The following RAPH1 variants were observed in gnomAD, a reference collection of about 807,000 sequenced individuals.
The protein encoded by RAPH1 is Ras association (RalGDS/AF-6) and pleckstrin homology domains 1.
In RAPH1, 18 loss-of-function variants were observed where a neutral mutation model predicts 88.1. The ratio of observed to expected loss-of-function variants is 0.20; its 90% CI spans 0.14 to 0.30. The LOEUF is 0.30. Among genes scored for constraint, RAPH1 ranks in the 10% least tolerant of loss-of-function variants. The pLI is 1.00. For synonymous variants in RAPH1, 587 were observed against 559.0 expected (o/e 1.05, Z -0.71); for missense variants, 1,448 against 1,543.2 (o/e 0.94, Z 1.03).
At chr2:203,477,208 C>T in intron 4 of RAPH1, 2 of 1,344,992 alleles carry the variant, frequency 1.5e-6, no homozygotes, top group Non-Finnish European at 2.1e-6. Context: ...GTGAAACGGG[C>T]AGTTCTCATT....
chr2:203,499,817 TA>T (rs1295529730), intron 1 of RAPH1, among the ~76,000 whole-genome samples: 1 of 152,236 alleles, frequency 6.6e-6, no homozygotes, highest in Non-Finnish European at 1.5e-5. Flanking sequence ...CTCCATTCTC[TA>T]AATGCTGATG....
chr2:203,490,075 C>T lies in RAPH1; in HGVS notation c.241G>A (p.Gly81Arg). 6.2e-7 allele frequency: 1 copy of T among 1,608,072 alleles called. No individual in the cohort carries two copies. Among genetic ancestry groups the T allele is most frequent in the East Asian group, 2.2e-5 (1 of 44,798 alleles). ...AAGGCATCCAGATCCACAGTCTCTC[C>T]CTGATTCAGAGCTTCTGCAATGAAC... ...IYNLNEALNQ[G>R]ETVDLDALMA... The change falls in exon 4 of 14, where the codon GGA becomes AGA. Residue 81 changes from glycine (G) to arginine (R), a missense_variant. Gly to Arg is a moderately radical substitution (Grantham distance 125, BLOSUM62 -2). This residue lies in a region of RAPH1 where 513 missense variants were observed against 653.1 expected (regional missense o/e 0.79). Coordinates refer to ENST00000319170, the MANE Select transcript of RAPH1 (RefSeq NM_213589.3).
At chr2:203,521,610 CT>C (rs1689874977) in intron 1 of RAPH1, among the ~76,000 whole-genome samples, 1 of 151,924 alleles carries the variant, frequency 6.6e-6, no homozygotes. Flanking sequence ...ATGTTTTATA[CT>C]TTGGTTAAAA....
At chr2:203,523,042 T>G (rs1007826168) in intron 1 of RAPH1, among the ~76,000 whole-genome samples, 3 of 151,874 alleles carry the variant, frequency 2.0e-5, no homozygotes, top group Non-Finnish European at 4.4e-5. Context: ...CACATCAATG[T>G]AACAGAATGG....
chr2:203,485,201 C>T (rs529841334), intron 4 of RAPH1, among the ~76,000 whole-genome samples: 16 of 152,028 alleles, frequency 1.1e-4, no homozygotes, highest in East Asian at 7.7e-4. Flanking sequence ...GTCAGGAGTT[C>T]GAGACCAGCC....
chr2:203,468,996 G>A (rs1006653359), intron 4 of RAPH1, among the ~76,000 whole-genome samples: 1 of 152,222 alleles, frequency 6.6e-6, no homozygotes, highest in African/African-American at 2.4e-5. Context: ...AAACAGAAAA[G>A]ATGACAACAG....
intron 4 of RAPH1, among the ~76,000 whole-genome samples, chr2:203,474,284 AG>A (rs2105751487): frequency 6.6e-6 from 1 of 152,270 alleles, no homozygotes; most frequent in Non-Finnish European, 1.5e-5. Flanking sequence ...GAGGAGAGGG[AG>A]AGTTACTGGT....
At chr2:203,442,058 G>A in intron 13 of RAPH1, 2 of 1,594,636 alleles carry the variant, frequency 1.3e-6, no homozygotes, top group East Asian at 2.3e-5. Flanking sequence ...GGTAAAGGGG[G>A]GACATTCTTT....
At chr2:203,505,784 C>A (rs1452655745) in intron 1 of RAPH1, among the ~76,000 whole-genome samples, 2 of 152,110 alleles carry the variant, frequency 1.3e-5, no homozygotes, top group Non-Finnish European at 2.9e-5. Context: ...AGCCACTCAG[C>A]GTGTAGTAAT....
chr2:203,440,579 G>C lies in RAPH1; in HGVS notation c.2611C>G (p.Pro871Ala), dbSNP rs1035753171. 6.4e-7 allele frequency: 1 copy of C among 1,553,968 alleles called. No homozygotes were observed. The highest frequency in any genetic ancestry group is 1.4e-5 in the African/African-American group (1 of 73,038). ...TCCATGGCAGGGGGAGTTGGAGGGG[G>C]TGGAAACTGGCTGGCTATCTGCTTC... ...VVKQIASQFP[P>A]PPTPPAMESQ... Residue 871 changes from proline (P) to alanine (A), a missense_variant, in exon 14 of 14, where the codon CCC becomes GCC. Pro to Ala is a conservative substitution (Grantham distance 27). This residue lies in a region of RAPH1 where 935 missense variants were observed against 890.1 expected (regional missense o/e 1.05). Coordinates refer to ENST00000319170, the MANE Select transcript of RAPH1 (RefSeq NM_213589.3).
In RAPH1 at chr2:203,489,893, A is replaced by G. The variant is rs1362464661; in HGVS notation, c.423T>C (p.Asn141=). The change falls in exon 4 of 14, where the codon AAT becomes AAC. Residue 141 remains asparagine (N), a synonymous_variant. Coordinates refer to ENST00000319170, the MANE Select transcript of RAPH1 (RefSeq NM_213589.3). ...TGGCATGGGAAGGTTTAGCTATCCT[A>G]TTAGATGAAGAAGATAATCCTTTCA... The part of the protein sequence containing the change: ...GTLKGLSSSS[N]RIAKPSHASY... 2 of 1,614,096 alleles carry G rather than the reference A, an allele frequency of 1.2e-6. No homozygotes were observed. Among genetic ancestry groups the G allele is most frequent in the Non-Finnish European group, 8.5e-7 (1 of 1,180,042 alleles).
chr2:203,520,014 T>C (rs1009606624), intron 1 of RAPH1, among the ~76,000 whole-genome samples: 7 of 152,156 alleles, frequency 4.6e-5, no homozygotes, highest in Admixed American at 2.6e-4. Context: ...CTTGAAATAA[T>C]AGTTTCCACG....
At chr2:203,464,147 CAAAG>C (rs1352405076) in intron 4 of RAPH1, among the ~76,000 whole-genome samples, 1 of 152,078 alleles carries the variant, frequency 6.6e-6, no homozygotes, top group African/African-American at 2.4e-5. Flanking sequence ...GCATGAATTG[CAAAG>C]AAAGTTTACC....
chr2:203,481,574 T>TAC (rs946858742), intron 4 of RAPH1, among the ~76,000 whole-genome samples: 1 of 131,348 alleles, frequency 7.6e-6, no homozygotes, highest in African/African-American at 3.1e-5. Flanking sequence ...GATGAATATA[T>TAC]ATATATATAT....
intron 1 of RAPH1, among the ~76,000 whole-genome samples, chr2:203,496,249 C>T (rs911668510): frequency 2.0e-5 from 3 of 152,052 alleles, no homozygotes; most frequent in African/African-American, 7.2e-5. Flanking sequence ...TCCCAGCTAC[C>T]TGGGAGGCTG....
At chr2:203,456,915 A>G (rs1383153240) in intron 8 of RAPH1, among the ~76,000 whole-genome samples, 1 of 152,286 alleles carries the variant, frequency 6.6e-6, no homozygotes, top group Middle Eastern at 3.4e-3. Context: ...TCTCTGAGTA[A>G]GCAGATAAAA....
At chr2:203,503,874 G>T (rs891684457) in intron 1 of RAPH1, among the ~76,000 whole-genome samples, 1 of 152,186 alleles carries the variant, frequency 6.6e-6, no homozygotes, top group Admixed American at 6.5e-5. Flanking sequence ...CAGGGCCCAT[G>T]AAAGTCCAAA....
intron 7 of RAPH1, among the ~76,000 whole-genome samples, chr2:203,458,146 T>G (rs908854738): frequency 2.0e-5 from 3 of 151,984 alleles, no homozygotes; most frequent in African/African-American, 7.2e-5. Context: ...CCAAGGCGGG[T>G]GGATCACGAG....
rs2098496932 is a variant in RAPH1, at chr2:203,434,638, A to G, written c.*4799T>C. On this transcript the variant is annotated 3_prime_UTR_variant, in exon 14 of 14. Coordinates refer to ENST00000319170, the MANE Select transcript of RAPH1 (RefSeq NM_213589.3). ...GCAGTTTTTGGTATTAGGTTACAAT[A>G]AATTTAACGAATGGACAGTTTGCAA... 2.6e-5 allele frequency: 4 copies of G among 152,560 alleles called. No homozygotes were observed. The highest frequency in any genetic ancestry group is 7.2e-5 in the African/African-American group (3 of 41,448). The allele number at this position is 152,560 out of a possible 1,614,324, so 9.5% of individuals were successfully genotyped here.
Sources: allele counts gnomAD v4.1 joint callset (sites outside exome capture counted in the v4.1 genomes callset), GRCh38; gene constraint gnomAD v4.1.1; regional missense constraint gnomAD v4.1.1; transcripts MANE v1.5; gene names NCBI Gene and HGNC (gene_info 2026-07-23, HGNC 2026-07-21).